The following KCNMB2 variants were observed in gnomAD, a reference collection of about 807,000 sequenced individuals.
KCNMB2 encodes the protein potassium calcium-activated channel subfamily M regulatory beta subunit 2.
KCNMB2 carries 9 observed loss-of-function variants against 24.5 expected under a neutral mutation model. That is an observed-to-expected ratio of 0.37 (90% CI 0.22 to 0.64). The LOEUF (loss-of-function observed/expected upper bound fraction) is 0.64. Ranked by LOEUF, KCNMB2 falls within the 30% of genes least tolerant of loss-of-function variation. The pLI is 0.63. For missense variants in KCNMB2, 226 were observed against 284.3 expected, an observed-to-expected ratio of 0.79 and a Z score of 1.47; for synonymous variants, 109 against 104.4, an observed-to-expected ratio of 1.04 and a Z score of -0.27.
intron 1 of KCNMB2, among the ~76,000 whole-genome samples, chr3:178,630,655 G>A (rs150906340): frequency 1.5e-3 from 227 of 152,310 alleles, no homozygotes; most frequent in African/African-American, 5.1e-3. Flanking sequence ...ATTCAAGGAG[G>A]TGAGAGGGCA....
intron 1 of KCNMB2, among the ~76,000 whole-genome samples, chr3:178,586,999 C>CA (rs1717466882): frequency 6.6e-6 from 1 of 151,882 alleles, no homozygotes; most frequent in African/African-American, 2.4e-5. Flanking sequence ...TTTTGGATAC[C>CA]AAAAAGGAAT....
At chr3:178,724,835 G>GGTCT (rs1050755702) in intron 1 of KCNMB2, among the ~76,000 whole-genome samples, 1 of 151,910 alleles carries the variant, frequency 6.6e-6, no homozygotes, top group Non-Finnish European at 1.5e-5. Flanking sequence ...TTATTTCAGG[G>GGTCT]GTCTGTATTC....
intron 1 of KCNMB2, among the ~76,000 whole-genome samples, chr3:178,573,240 C>T (rs1716869227): frequency 6.6e-6 from 1 of 152,010 alleles, no homozygotes; most frequent in African/African-American, 2.4e-5. Context: ...AATTCCTGAC[C>T]TCAGGTGATC....
At chr3:178,831,744 GC>G (rs1715065168) in intron 4 of KCNMB2, among the ~76,000 whole-genome samples, 1 of 152,064 alleles carries the variant, frequency 6.6e-6, no homozygotes, top group Admixed American at 6.6e-5. Context: ...ACCAAAGCCT[GC>G]TTGAGTGTGG....
intron 1 of KCNMB2, among the ~76,000 whole-genome samples, chr3:178,625,603 A>T (rs1368096678): frequency 6.6e-6 from 1 of 152,204 alleles, no homozygotes; most frequent in Non-Finnish European, 1.5e-5. Flanking sequence ...TCAAGCAGTG[A>T]ATTATTACAT....
chr3:178,560,914 C>T (rs1046978448), intron 1 of KCNMB2, among the ~76,000 whole-genome samples: 3 of 152,208 alleles, frequency 2.0e-5, no homozygotes, highest in Admixed American at 6.5e-5. Flanking sequence ...TGAGCCACCA[C>T]CCTATACCAT....
At chr3:178,732,535 T>C (rs1192646644) in intron 1 of KCNMB2, among the ~76,000 whole-genome samples, 2 of 152,180 alleles carry the variant, frequency 1.3e-5, no homozygotes, top group African/African-American at 4.8e-5. Context: ...GGTGATTTTA[T>C]TGTTTAAAAT....
chr3:178,677,387 C>A (rs1051842041), intron 1 of KCNMB2, among the ~76,000 whole-genome samples: 7 of 152,278 alleles, frequency 4.6e-5, no homozygotes, highest in Non-Finnish European at 7.4e-5. Flanking sequence ...ATGTAAAGGA[C>A]AAGAGACAAG....
chr3:178,805,265 C>G (rs1261928465), intron 1 of KCNMB2, among the ~76,000 whole-genome samples: 1 of 152,278 alleles, frequency 6.6e-6, no homozygotes, highest in East Asian at 1.9e-4. Context: ...AGATCAACTC[C>G]CAAACCTAAT....
intron 1 of KCNMB2, among the ~76,000 whole-genome samples, chr3:178,636,213 C>G (rs925061052): frequency 6.6e-6 from 1 of 152,072 alleles, no homozygotes; most frequent in African/African-American, 2.4e-5. Flanking sequence ...ATCCCTTCAG[C>G]ATAAAAATGA....
chr3:178,711,659 G>A (rs1445641499), intron 1 of KCNMB2, among the ~76,000 whole-genome samples: 1 of 152,118 alleles, frequency 6.6e-6, no homozygotes, highest in Admixed American at 6.5e-5. Context: ...CAGTCCAAAA[G>A]CCCCAGTTAA....
intron 1 of KCNMB2, among the ~76,000 whole-genome samples, chr3:178,790,125 G>C (rs1269539424): frequency 2.0e-5 from 3 of 151,910 alleles, no homozygotes; most frequent in Non-Finnish European, 4.4e-5. Context: ...CCAGGCCCTT[G>C]CTTATGGATG....
chr3:178,744,259 T>A (rs2108380797), intron 1 of KCNMB2, among the ~76,000 whole-genome samples: 1 of 152,356 alleles, frequency 6.6e-6, no homozygotes, highest in Non-Finnish European at 1.5e-5. Flanking sequence ...ACCTGAAATA[T>A]CTTTTTGCTC....
chr3:178,761,703 C>T (rs1176344652), intron 1 of KCNMB2, among the ~76,000 whole-genome samples: 4 of 152,002 alleles, frequency 2.6e-5, no homozygotes, highest in Admixed American at 2.6e-4. Flanking sequence ...GCATTCTTGC[C>T]GAGAGCCTAG....
intron 1 of KCNMB2, among the ~76,000 whole-genome samples, chr3:178,777,232 AAGACC>A (rs1200338974): frequency 6.6e-5 from 10 of 152,108 alleles, no homozygotes; most frequent in Admixed American, 4.6e-4. Flanking sequence ...TCAGGAGTTC[AAGACC>A]AGCCTGGCCA....
chr3:178,614,715 C>T (rs1368833326), intron 1 of KCNMB2, among the ~76,000 whole-genome samples: 1 of 152,124 alleles, frequency 6.6e-6, no homozygotes, highest in Non-Finnish European at 1.5e-5. Flanking sequence ...CTCAACACAG[C>T]TATTTTGAAT....
intron 1 of KCNMB2, among the ~76,000 whole-genome samples, chr3:178,656,446 G>A (rs1043894916): frequency 2.0e-5 from 3 of 152,106 alleles, no homozygotes; most frequent in Non-Finnish European, 4.4e-5. Flanking sequence ...TAATAGCAAA[G>A]GTAACAGGGT....
At chr3:178,808,432 T>C (rs543595546) in intron 2 of KCNMB2, among the ~76,000 whole-genome samples, 2 of 152,218 alleles carry the variant, frequency 1.3e-5, no homozygotes, top group African/African-American at 4.8e-5. Flanking sequence ...AAAATAATAA[T>C]AAAATAAAAA....
intron 1 of KCNMB2, among the ~76,000 whole-genome samples, chr3:178,736,225 A>G (rs1577137133): frequency 6.6e-6 from 1 of 152,256 alleles, no homozygotes; most frequent in East Asian, 1.9e-4. Context: ...ATTACATTTC[A>G]TAAAACAGAA....
Sources: gnomAD v4.1 joint callset for allele counts (sites outside exome capture counted in the v4.1 genomes callset) on GRCh38, gnomAD v4.1.1 for gene constraint, MANE v1.5 for transcripts, NCBI Gene and HGNC (gene_info 2026-07-23, HGNC 2026-07-21) for gene names.